Variants in KMT2A observed in about 807,000 individuals in gnomAD.
The protein encoded by KMT2A is histone-lysine N-methyltransferase 2A.
A neutral mutation model predicts 345.3 loss-of-function variants in KMT2A; 16 were observed. The ratio of observed to expected loss-of-function variants is 0.05; its 90% CI spans 0.03 to 0.07. The LOEUF (loss-of-function observed/expected upper bound fraction) is 0.07. Among genes scored for constraint, KMT2A ranks in the 10% least tolerant of loss-of-function variants. The pLI is 1.00. For synonymous variants in KMT2A, 1,599 were observed against 1,778.6 expected, an observed-to-expected ratio of 0.90 and a Z score of 2.54; for missense variants, 3,272 against 4,841.6, an observed-to-expected ratio of 0.68 and a Z score of 9.62.
chr11:118,501,686 G>C lies in KMT2A; in HGVS notation c.6334G>C (p.Glu2112Gln). 1 of 1,610,492 alleles carries C rather than the reference G, an allele frequency of 6.2e-7. No homozygotes were observed. Among genetic ancestry groups the C allele is most frequent in the South Asian group, 1.1e-5 (1 of 89,898 alleles). Residue 2112 changes from glutamate to glutamine, a missense_variant, in exon 26 of 36, where the codon GAG (glutamate) becomes CAG (glutamine). Coordinates refer to ENST00000534358, the MANE Select transcript of KMT2A (RefSeq NM_001197104.2). ...PTSFTESSSKESQNTAEIISP... is the reference protein window; with the variant it reads ...PTSFTESSSKQSQNTAEIISP... ...TCCTGCCACAGAAAGTTCATCAAAA[G>C]AGAGTCAAAACACAGCTGAAATTAT...
In KMT2A at chr11:118,502,597, C is replaced by T. The variant is rs782419238; in HGVS notation, c.6705C>T (p.Thr2235=). The T allele has an allele frequency of 4.0e-5, 64 of 1,613,978 alleles. No homozygotes were observed. Among genetic ancestry groups the T allele is most frequent in the Non-Finnish European group, 5.3e-5 (62 of 1,180,006 alleles). ...TTTCCTCAGTCTCCACCACCGGGAC[C>T]GCTACTGATCTTGAATCAAGTGCCA... ...NNVSSVSTTG[T]ATDLESSAKV... Residue 2235 remains threonine, a synonymous_variant, in exon 27 of 36, where the codon ACC becomes ACT. Transcript: ENST00000534358. The surrounding 1 kb of genome is among the most constrained non-coding windows in gnomAD (Gnocchi z 4.9).
chr11:118,482,519 C>T (rs1555039646), intron 8 of KMT2A, 24 bp downstream of exon 8: 1 of 1,525,312 alleles, frequency 6.6e-7, no homozygotes, highest in Non-Finnish European at 9.1e-7. Context: ...TGTTTCTCTG[C>T]CATTTCTCAG....
chr11:118,452,260 G>T (rs189237793), intron 1 of KMT2A, among the ~76,000 whole-genome samples: 1 of 152,282 alleles, frequency 6.6e-6, no homozygotes, highest in East Asian at 1.9e-4. Flanking sequence ...TTTCAGTCAG[G>T]CATGGTGGCT....
intron 10 of KMT2A, among the ~76,000 whole-genome samples, chr11:118,486,354 T>G (rs1234210527): frequency 3.5e-5 from 5 of 142,518 alleles, no homozygotes; most frequent in African/African-American, 1.3e-4. Flanking sequence ...GGATTATGGG[T>G]GACCTTTATT....
intron 30 of KMT2A, among the ~76,000 whole-genome samples, chr11:118,511,520 T>A (rs1250148779): frequency 6.6e-6 from 1 of 152,204 alleles, no homozygotes; most frequent in African/African-American, 2.4e-5. Context: ...ATTTTCTAGT[T>A]CTGCCTCTTA....
intron 1 of KMT2A, among the ~76,000 whole-genome samples, chr11:118,462,615 G>A (rs1411520318): frequency 1.3e-5 from 2 of 152,116 alleles, no homozygotes; most frequent in African/African-American, 4.8e-5. Flanking sequence ...CTGGAGTGCA[G>A]TGGTGCGATC....
Position 118,473,662 on chromosome 11 carries a change from C to T in KMT2A, c.2503C>T (p.Leu835Phe), listed in dbSNP as rs2134269563. ...ATTTTCATCAAGTAGTCCTACTCCT[C>T]TCTTCCCTTGGTTTACCCCAGGCTC... ...EPFSSSSPTP[L>F]FPWFTPGSQT... is the part of the protein sequence containing the mutation. Residue 835 changes from leucine to phenylalanine, a missense_variant, in exon 3 of 36, where the codon CTC becomes TTC. Leu to Phe is a conservative substitution (Grantham distance 22). Transcript: ENST00000534358. This position sits in a 1 kb window ranked among gnomAD's most constrained non-coding sequence, Gnocchi z 5.2. 1 of 1,614,158 alleles carries T rather than the reference C, an allele frequency of 6.2e-7. No homozygotes were observed. Among genetic ancestry groups the T allele is most frequent in the Non-Finnish European group, 8.5e-7 (1 of 1,180,032 alleles).
Position 118,520,471 on chromosome 11 carries a change from T to G in KMT2A, c.11430-331T>G, listed in dbSNP as rs1362992659. The G allele has an allele frequency of 1.4e-5, 5 of 346,580 alleles. No individual in the cohort carries two copies. The highest frequency in any genetic ancestry group is 2.1e-5 in the African/African-American group (1 of 48,150). 21.5% of individuals were successfully genotyped at this position (346,580 alleles called of 1,614,324 possible). A position where few individuals can be genotyped will look rare whatever the true frequency, so the allele number is the denominator to read the frequency against. On this transcript the variant is annotated intron_variant, in intron 33 of 35. Coordinates refer to ENST00000534358, the MANE Select transcript of KMT2A (RefSeq NM_001197104.2). The surrounding 1 kb of genome is among the most constrained non-coding windows in gnomAD (Gnocchi z 4.3). ...TTCGAGACCAGCCTGACCAACATAGTGAAACCCTATCTCTACTAAAAATAC... is the reference window on the plus strand; with the variant it reads ...TTCGAGACCAGCCTGACCAACATAGGGAAACCCTATCTCTACTAAAAATAC...
chr11:118,501,596 C>A, intron 25 of KMT2A, 76 bp from the exon 26 acceptor site: 1 of 1,273,848 alleles, frequency 7.9e-7, no homozygotes, highest in Non-Finnish European at 1.1e-6. Context: ...TACCTGATAG[C>A]TGACTTTTTA....
chr11:118,498,372 A>G lies in KMT2A; in HGVS notation c.5805A>G (p.Arg1935=), dbSNP rs368269082. ...HMAVIRGKQL[R]CEFCQKPGAT... is the part of the protein sequence containing the mutation. Reference sequence around the variant, plus strand: ...CTCTGTTCTTTTTGGATTTTTAGAGATGTGAATTCTGCCAAAAGCCAGGAG... The same window carrying G: ...CTCTGTTCTTTTTGGATTTTTAGAGGTGTGAATTCTGCCAAAAGCCAGGAG... Residue 1935 remains arginine, a splice_region_variant and synonymous_variant, in exon 22 of 36, where the codon AGA becomes AGG. Coordinates refer to ENST00000534358, the MANE Select transcript of KMT2A (RefSeq NM_001197104.2). The surrounding 1 kb of genome is among the most constrained non-coding windows in gnomAD (Gnocchi z 4.4). 1.9e-6 allele frequency: 3 copies of G among 1,606,868 alleles called. No individual in the cohort carries two copies. The highest frequency in any genetic ancestry group is 1.1e-5 in the South Asian group (1 of 90,442).
Position 118,503,470 on chromosome 11 carries a change from A to G in KMT2A, c.7578A>G (p.Thr2526=). The change falls in exon 27 of 36, where the codon ACA becomes ACG. Residue 2526 remains threonine (T), a synonymous_variant. Transcript: ENST00000534358. This position sits in a 1 kb window ranked among gnomAD's most constrained non-coding sequence, Gnocchi z 5.3. Reference sequence around the variant, plus strand: ...CACGGAAACGCACAGTCAAAGTGACACTGACACCTCTAAAAATGGAAAATG... The same window carrying G: ...CACGGAAACGCACAGTCAAAGTGACGCTGACACCTCTAAAAATGGAAAATG... The part of the protein sequence containing the change: ...QAPRKRTVKV[T]LTPLKMENES... The G allele has an allele frequency of 6.2e-7, 1 of 1,614,208 alleles. No individual in the cohort carries two copies. Among genetic ancestry groups the G allele is most frequent in the Non-Finnish European group, 8.5e-7 (1 of 1,180,022 alleles).
At chr11:118,511,552 A>G (rs782009331) in intron 30 of KMT2A, among the ~76,000 whole-genome samples, 14 of 152,210 alleles carry the variant, frequency 9.2e-5, no homozygotes, top group Non-Finnish European at 1.6e-4. Context: ...CAGAGAGGTT[A>G]TGATCTTCCC....
Position 118,524,973 on chromosome 11 carries a change from C to G in KMT2A, c.*2801C>G, listed in dbSNP as rs979709240. On this transcript the variant is annotated 3_prime_UTR_variant, in exon 36 of 36. Coordinates refer to ENST00000534358, the MANE Select transcript of KMT2A (RefSeq NM_001197104.2). ...GATGGTTTGCCTTGCCTTTCCACCCCCTAATTGTCAACCACAAAAATGAGA... is the reference window on the plus strand; with the variant it reads ...GATGGTTTGCCTTGCCTTTCCACCCGCTAATTGTCAACCACAAAAATGAGA... 2 of 210,582 alleles carry G rather than the reference C, an allele frequency of 9.5e-6. No homozygotes were observed. Among genetic ancestry groups the G allele is most frequent in the African/African-American group, 2.3e-5 (1 of 43,988 alleles). 13.0% of individuals were successfully genotyped at this position (210,582 alleles called of 1,614,324 possible). A position where few individuals can be genotyped will look rare whatever the true frequency, so the allele number is the denominator to read the frequency against.
Position 118,494,937 on chromosome 11 carries a change from TG to T in KMT2A, c.5363+171del, listed in dbSNP as rs1231716857. The stretch of plus-strand genomic sequence containing the variant: ...ACATTTAATGTTTGTTATAAGCAAT[TG>T]CCTTTTTGTTCTTTACTTTTATATT... On this transcript the variant is annotated intron_variant, in intron 18 of 35. Transcript: ENST00000534358. The surrounding 1 kb of genome is among the most constrained non-coding windows in gnomAD (Gnocchi z 5.8). Among the ~76,000 whole-genome samples the T allele has an allele frequency of 2.6e-5, 4 of 152,152 alleles. No homozygotes were observed. The highest frequency in any genetic ancestry group is 2.0e-4 in the Admixed American group (3 of 15,276).
At chr11:118,455,010 T>C (rs1245268089) in intron 1 of KMT2A, among the ~76,000 whole-genome samples, 9 of 152,018 alleles carry the variant, frequency 5.9e-5, no homozygotes, top group Non-Finnish European at 8.8e-5. Flanking sequence ...CCCACTCCTG[T>C]CAATTCTTAT....
chr11:118,454,714 ACTGT>A lies in KMT2A; in HGVS notation c.433-14055_433-14052del, dbSNP rs555409107. On this transcript the variant is annotated intron_variant, in intron 1 of 35. Coordinates refer to ENST00000534358, the MANE Select transcript of KMT2A (RefSeq NM_001197104.2). ...TAAGTCAGACCATTGTAAGTCAGGG[ACTGT>A]CTGTCCATTAACAACTGAACGTGGC... is the stretch of plus-strand genomic sequence containing the variant. Among the ~76,000 whole-genome samples, 361 of 152,320 alleles carry A rather than the reference ACTGT, an allele frequency of 2.4e-3. 4 individuals carry two copies. Among genetic ancestry groups the A allele is most frequent in the African/African-American group, 8.2e-3 (341 of 41,560 alleles).
chr11:118,498,351 G>T lies in KMT2A; in HGVS notation c.5803-19G>T. The T allele has an allele frequency of 6.2e-7, 1 of 1,604,124 alleles. No homozygotes were observed. Among genetic ancestry groups the T allele is most frequent in the East Asian group, 2.2e-5 (1 of 44,810 alleles). ...CATATGAAAGTCTGAATAGGACTCT[G>T]TTCTTTTTGGATTTTTAGAGATGTG... On this transcript the variant is annotated intron_variant, in intron 21 of 35. Coordinates refer to ENST00000534358, the MANE Select transcript of KMT2A (RefSeq NM_001197104.2). This position sits in a 1 kb window ranked among gnomAD's most constrained non-coding sequence, Gnocchi z 4.4.
At position 118,494,690 on chromosome 11, in the gene KMT2A, T is replaced by A; in HGVS notation, c.5290-4T>A. On this transcript the variant is annotated splice_polypyrimidine_tract_variant and splice_region_variant and intron_variant, in intron 17 of 35. Transcript: ENST00000534358. This position sits in a 1 kb window ranked among gnomAD's most constrained non-coding sequence, Gnocchi z 5.8. Reference sequence around the variant, plus strand: ...ATTTACATTTTGTTTGTGTTTTCTTTTAGCAAATGGAACGTGTTTTTCCAT... The same window carrying A: ...ATTTACATTTTGTTTGTGTTTTCTTATAGCAAATGGAACGTGTTTTTCCAT... 2 of 1,613,420 alleles carry A rather than the reference T, an allele frequency of 1.2e-6. No individual in the cohort carries two copies. The highest frequency in any genetic ancestry group is 1.1e-5 in the South Asian group (1 of 90,914).
rs1196244788 is a variant in KMT2A, at chr11:118,465,355, AAT to A, written c.433-3418_433-3417del. Among the ~76,000 whole-genome samples, 13 of 152,324 alleles carry A rather than the reference AAT, an allele frequency of 8.5e-5. No homozygotes were observed. In the East Asian group the frequency reaches 2.5e-3, roughly 29 times the overall value. Reference sequence around the variant, plus strand: ...CCCCCAGTTCTTTAGGGATGGGCTAAATAGCTGGTATCATGGCTTACAAAAGT... The same window carrying A: ...CCCCCAGTTCTTTAGGGATGGGCTAAAGCTGGTATCATGGCTTACAAAAGT... On this transcript the variant is annotated intron_variant, in intron 1 of 35. Transcript: ENST00000534358.
Sources: allele counts gnomAD v4.1 joint callset (sites outside exome capture counted in the v4.1 genomes callset), GRCh38; gene constraint gnomAD v4.1.1; non-coding constraint Gnocchi (gnomAD v3.1); transcripts MANE v1.5; gene names NCBI Gene and HGNC (gene_info 2026-07-23, HGNC 2026-07-21).